SCAI: variants seen among roughly 807,000 people sequenced by gnomAD.
The protein encoded by SCAI is protein SCAI.
SCAI carries 24 observed loss-of-function variants against 92.2 expected under a neutral mutation model. The ratio of observed to expected loss-of-function variants is 0.26; its 90% CI spans 0.19 to 0.37. The LOEUF is 0.37. SCAI is among the 10% of genes least tolerant of loss of function. The pLI is 1.00. For missense variants in SCAI, 450 were observed against 736.2 expected (o/e 0.61, Z 4.50); for synonymous variants, 261 against 258.6 (o/e 1.01, Z -0.09).
Position 125,019,134 on chromosome 9 carries a change from C to G in SCAI, c.681G>C (p.Val227=). 1.9e-6 allele frequency: 3 copies of G among 1,603,740 alleles called. No individual in the cohort carries two copies. Among genetic ancestry groups the G allele is most frequent in the Non-Finnish European group, 2.6e-6 (3 of 1,175,556 alleles). ...CAATGAAAGCTGCTACTTCTTGAAGCACCAAGTTCCATTCCACTTGATCTT... is the reference window on the plus strand; with the variant it reads ...CAATGAAAGCTGCTACTTCTTGAAGGACCAAGTTCCATTCCACTTGATCTT... ...NTEDQVEWNL[V]LQEVAAFIEA... The change falls in exon 8 of 18, where the codon GTG becomes GTC. Residue 227 remains valine, a synonymous_variant. Transcript: ENST00000336505.
At chr9:125,090,423 GAAGA>G (rs1257527729) in intron 2 of SCAI, among the ~76,000 whole-genome samples, 2 of 151,818 alleles carry the variant, frequency 1.3e-5, no homozygotes, top group Admixed American at 6.6e-5. Context: ...GAAGGAGGAG[GAAGA>G]AAGAGTAAGG....
intron 2 of SCAI, among the ~76,000 whole-genome samples, chr9:125,140,885 A>T (rs575525895): frequency 7.2e-5 from 11 of 152,004 alleles, no homozygotes; most frequent in Non-Finnish European, 1.5e-4. Context: ...ATTTACTCCA[A>T]TATACCTAAA....
chr9:125,083,160 A>G (rs959255968), intron 2 of SCAI, among the ~76,000 whole-genome samples: 2 of 152,096 alleles, frequency 1.3e-5, no homozygotes, highest in Non-Finnish European at 2.9e-5. Context: ...AAGAGATCTG[A>G]TGGTTTTAAA....
rs1021796567 is a variant in SCAI, at chr9:124,943,729, T to C, written c.*9078A>G. ...CAGCATTATTTTCAAGGGAAAAAGA[T>C]CAAACATAACTTATTTTAACTCCTA... is the stretch of plus-strand genomic sequence containing the variant. On this transcript the variant is annotated 3_prime_UTR_variant, in exon 18 of 18. Transcript: ENST00000336505. 1 of 152,170 alleles carries C rather than the reference T, an allele frequency of 6.6e-6. No homozygotes were observed. Among genetic ancestry groups the C allele is most frequent in the African/African-American group, 2.4e-5 (1 of 41,466 alleles). 9.4% of individuals were successfully genotyped at this position (152,170 alleles called of 1,614,324 possible).
intron 17 of SCAI, among the ~76,000 whole-genome samples, chr9:124,959,898 G>A (rs562956703): frequency 6.6e-6 from 1 of 152,206 alleles, no homozygotes; most frequent in African/African-American, 2.4e-5. Context: ...GTATTCCATG[G>A]TGTATATGTG....
In SCAI at chr9:125,020,695, T is replaced by G. The variant is rs1249255735; in HGVS notation, c.587A>C (p.Asp196Ala). The change falls in exon 7 of 18, where the codon GAT becomes GCT. Residue 196 changes from aspartate (D) to alanine (A), a missense_variant. By Grantham distance (126) the Asp-to-Ala change is moderately radical (BLOSUM62 -2). Transcript: ENST00000336505. ...IVVCLLLNKM[D>A]VVKDLVKELS... is the part of the protein sequence containing the mutation. ...TACCTTTACCAGATCCTTTACAACA[T>G]CCATTTTGTTGAGAAGAAGACAAAC... The G allele has an allele frequency of 1.3e-6, 2 of 1,491,052 alleles. No individual in the cohort carries two copies. The highest frequency in any genetic ancestry group is 3.8e-5 in the Admixed American group (2 of 52,644). 92.4% of individuals were successfully genotyped at this position (1,491,052 alleles called of 1,614,324 possible). A position where few individuals can be genotyped will look rare whatever the true frequency, so the allele number is the denominator to read the frequency against.
intron 2 of SCAI, among the ~76,000 whole-genome samples, chr9:125,109,357 T>TAAA (rs1357116634): frequency 6.6e-6 from 1 of 151,588 alleles, no homozygotes; most frequent in Non-Finnish European, 1.5e-5. Flanking sequence ...TTATCAATTT[T>TAAA]AAAAAATAAT....
At chr9:125,137,448 A>G (rs1306487892) in intron 2 of SCAI, among the ~76,000 whole-genome samples, 3 of 152,228 alleles carry the variant, frequency 2.0e-5, no homozygotes, top group African/African-American at 7.2e-5. Context: ...AACAGTGAAC[A>G]AAACACGTAT....
chr9:125,122,628 T>TGTGCA (rs1835178559), intron 2 of SCAI, among the ~76,000 whole-genome samples: 2 of 133,896 alleles, frequency 1.5e-5, no homozygotes, highest in Non-Finnish European at 3.2e-5. Context: ...GGTTGTGCAC[T>TGTGCA]GTGCAGTGGC....
chr9:125,098,771 C>A (rs557525167), intron 2 of SCAI, among the ~76,000 whole-genome samples: 1 of 152,332 alleles, frequency 6.6e-6, no homozygotes, highest in South Asian at 2.1e-4. Flanking sequence ...AACTTTCAGT[C>A]TGTCTGAGGT....
chr9:125,023,738 G>A (rs555683445), intron 6 of SCAI, among the ~76,000 whole-genome samples: 5 of 151,992 alleles, frequency 3.3e-5, no homozygotes, highest in African/African-American at 1.2e-4. Context: ...AATCTGGCAT[G>A]CAAACAGGCC....
intron 2 of SCAI, among the ~76,000 whole-genome samples, chr9:125,137,047 G>A (rs1835551817): frequency 6.6e-6 from 1 of 151,910 alleles, no homozygotes; most frequent in African/African-American, 2.4e-5. Context: ...GTGAGCCACC[G>A]CGCCCGGCCT....
At position 125,020,741 on chromosome 9, in the gene SCAI, A is replaced by G; in HGVS notation, c.541T>C (p.Tyr181His). 2 of 1,516,978 alleles carry G rather than the reference A, an allele frequency of 1.3e-6. No homozygotes were observed. The highest frequency in any genetic ancestry group is 1.8e-6 in the Non-Finnish European group (2 of 1,109,608). 94.0% of individuals were successfully genotyped at this position (1,516,978 alleles called of 1,614,324 possible). The change falls in exon 7 of 18, where the codon TAT becomes CAT. Residue 181 changes from tyrosine to histidine, a missense_variant. Tyr to His is a moderately conservative substitution (Grantham distance 83). Around this residue, in one of 3 missense-constraint regions of SCAI, gnomAD observed 360 missense variants for 601.8 expected, o/e 0.60. Coordinates refer to ENST00000336505, the MANE Select transcript of SCAI (RefSeq NM_001144877.3). ...CAAACTACTATAAATCTTGCATAATATCGTAACTTCTTAACTACCAATTCA... is the reference window on the plus strand; with the variant it reads ...CAAACTACTATAAATCTTGCATAATGTCGTAACTTCTTAACTACCAATTCA... ...RPELVVKKLR[Y>H]YARFIVVCLL...
chr9:124,957,202 C>A (rs1335231123), intron 17 of SCAI, among the ~76,000 whole-genome samples: 1 of 151,988 alleles, frequency 6.6e-6, no homozygotes, highest in Non-Finnish European at 1.5e-5. Flanking sequence ...CCATGTTACC[C>A]AGCTGGTCTC....
intron 13 of SCAI, among the ~76,000 whole-genome samples, chr9:124,999,246 G>A (rs1409332006): frequency 1.3e-5 from 2 of 151,984 alleles, no homozygotes; most frequent in Non-Finnish European, 2.9e-5. Context: ...AATTAGCCGG[G>A]CATGGTGGCT....
intron 2 of SCAI, among the ~76,000 whole-genome samples, chr9:125,097,342 A>G (rs1834580056): frequency 6.6e-6 from 1 of 152,142 alleles, no homozygotes; most frequent in Admixed American, 6.5e-5. Flanking sequence ...CTGAGACAGG[A>G]GAATTGCTTG....
At position 125,029,731 on chromosome 9, in the gene SCAI, G is replaced by A; in HGVS notation, c.239C>T (p.Pro80Leu). 6.2e-7 allele frequency: 1 copy of A among 1,600,784 alleles called. No homozygotes were observed. Among genetic ancestry groups the A allele is most frequent in the Non-Finnish European group, 8.5e-7 (1 of 1,169,898 alleles). ...KQLFNGLRDL[P>L]QYGQKQWQSY... ...CTGCCACTGCTTCTGTCCATATTGT[G>A]GCAAATCTCTGTAATAGTAAATGAG... Residue 80 changes from proline (P) to leucine (L), a missense_variant, in exon 4 of 18, where the codon CCA (proline) becomes CTA (leucine). Physicochemically the swap from Pro to Leu is moderately conservative, Grantham distance 98. Around this residue, in one of 3 missense-constraint regions of SCAI, gnomAD observed 20 missense variants for 68.2 expected, o/e 0.29. Coordinates refer to ENST00000336505, the MANE Select transcript of SCAI (RefSeq NM_001144877.3).
rs7856538 is a variant in SCAI at position 125,088,831 on chromosome 9, G to A, written c.99-32824C>T. 9.6e-3 allele frequency among the ~76,000 whole-genome samples: 1,460 copies of A among 152,058 alleles called. 23 individuals are homozygous for A. The highest frequency in any genetic ancestry group is 0.033 in the African/African-American group (1,375 of 41,378). On this transcript the variant is annotated intron_variant, in intron 2 of 17. Coordinates refer to ENST00000336505, the MANE Select transcript of SCAI (RefSeq NM_001144877.3). ...GCTTTTGAAAACTCCCTAACATAGA[G>A]TTTCTTAACCTTCTCACTCCTGCCA...
At chr9:124,984,400 G>A (rs1373977380) in intron 14 of SCAI, among the ~76,000 whole-genome samples, 2 of 152,188 alleles carry the variant, frequency 1.3e-5, no homozygotes, top group African/African-American at 4.8e-5. Context: ...CTGTCTTATA[G>A]GCACACTTAC....
Sources: gnomAD v4.1 joint callset for allele counts (sites outside exome capture counted in the v4.1 genomes callset) on GRCh38, gnomAD v4.1.1 for gene constraint, gnomAD v4.1.1 regional missense constraint, MANE v1.5 for transcripts, NCBI Gene and HGNC (gene_info 2026-07-23, HGNC 2026-07-21) for gene names.